Variants in GAS2L3 observed in about 807,000 individuals in gnomAD.
GAS2L3 encodes GAS2-like protein 3.
In GAS2L3, 28 loss-of-function variants were observed where a neutral mutation model predicts 37.0. The observed-to-expected ratio is 0.76, with a 90% confidence interval of 0.56 to 1.04. GAS2L3 has a LOEUF of 1.04. Ranked by LOEUF, GAS2L3 falls within the 50% of genes least tolerant of loss-of-function variation. The pLI is 0.00. For synonymous variants in GAS2L3, 290 were observed against 296.6 expected (o/e 0.98, Z 0.23); for missense variants, 793 against 817.6 (o/e 0.97, Z 0.37).
chr12:100,624,033 A>C lies in GAS2L3; in HGVS notation c.1228A>C (p.Asn410His), dbSNP rs57012630. 2,055 of 1,614,084 alleles carry C rather than the reference A, an allele frequency of 1.3e-3. 14 individuals are homozygous for C. In the East Asian group the frequency reaches 0.022, roughly 17 times the overall value. ...NNASSSLASL[N>H]PVGKNTSSPA... ...TGCATCATCTTCACTTGCTTCATTA[A>C]ATCCAGTAGGTAAAAACACTTCTTC... The change falls in exon 10 of 10, where the codon AAT becomes CAT. Residue 410 changes from asparagine to histidine, a missense_variant. Asn to His is a moderately conservative substitution (Grantham distance 68, BLOSUM62 1). Transcript: ENST00000547754.
intron 1 of GAS2L3, among the ~76,000 whole-genome samples, chr12:100,584,411 G>A (rs1047188650): frequency 6.6e-6 from 1 of 152,124 alleles, no homozygotes; most frequent in African/African-American, 2.4e-5. Flanking sequence ...CACAGGTCTT[G>A]TTCTTAGACC....
chr12:100,592,197 T>G (rs112517434), intron 2 of GAS2L3, among the ~76,000 whole-genome samples: 2,634 of 152,226 alleles, frequency 0.017, 70 homozygotes, highest in African/African-American at 0.06. Flanking sequence ...TCCTCAGTAG[T>G]AACCGCGATC....
intron 6 of GAS2L3, among the ~76,000 whole-genome samples, chr12:100,614,327 G>T (rs970050322): frequency 8.5e-5 from 13 of 152,126 alleles, no homozygotes; most frequent in African/African-American, 3.1e-4. Flanking sequence ...GCTGGGCATG[G>T]TGGTGCACGC....
intron 5 of GAS2L3, among the ~76,000 whole-genome samples, chr12:100,602,542 G>A (rs1956004658): frequency 6.6e-6 from 1 of 151,588 alleles, no homozygotes; most frequent in Admixed American, 6.6e-5. Context: ...ATATTTATGG[G>A]GTACATGAGA....
Position 100,618,151 on chromosome 12 carries a change from C to T in GAS2L3, c.510-298C>T, listed in dbSNP as rs141027899. On this transcript the variant is annotated intron_variant, in intron 7 of 9. Transcript: ENST00000547754. The stretch of plus-strand genomic sequence containing the variant: ...CTGGCAGAAGGCAAGGAGTGGTGTC[C>T]CCCATACCTACTTCAGTTCTATCTT... Among the ~76,000 whole-genome samples, 40 of 152,178 alleles carry T rather than the reference C, an allele frequency of 2.6e-4. 1 individual carries two copies. In the East Asian group the frequency reaches 6.6e-3, roughly 25 times the overall value.
At chr12:100,610,823 A>G (rs2136520645) in intron 5 of GAS2L3, among the ~76,000 whole-genome samples, 1 of 152,294 alleles carries the variant, frequency 6.6e-6, no homozygotes, top group East Asian at 1.9e-4. Flanking sequence ...TGGAGCAGAT[A>G]GTAAAAAAAA....
chr12:100,601,235 A>G (rs1955984945), intron 4 of GAS2L3, among the ~76,000 whole-genome samples: 2 of 152,154 alleles, frequency 1.3e-5, no homozygotes, highest in Non-Finnish European at 2.9e-5. Flanking sequence ...ATGTAATAAT[A>G]ATGTTTTTAA....
intron 7 of GAS2L3, 98 bp from the exon 8 acceptor site, chr12:100,618,351 C>A: frequency 8.4e-7 from 1 of 1,192,280 alleles, no homozygotes; most frequent in Non-Finnish European, 1.2e-6. Flanking sequence ...AGAAGAGGAT[C>A]ATATAGACTT....
intron 5 of GAS2L3, among the ~76,000 whole-genome samples, chr12:100,606,890 T>C (rs1360694767): frequency 6.6e-6 from 1 of 152,194 alleles, no homozygotes; most frequent in African/African-American, 2.4e-5. Context: ...GTCTTTCTAC[T>C]TTAATATAAT....
intron 5 of GAS2L3, among the ~76,000 whole-genome samples, chr12:100,608,206 T>G (rs1048135228): frequency 1.3e-5 from 2 of 152,258 alleles, no homozygotes; most frequent in African/African-American, 4.8e-5. Context: ...TGCGTGTGGG[T>G]TTTTTTCTTT....
chr12:100,598,808 A>C (rs1419206787), intron 3 of GAS2L3, among the ~76,000 whole-genome samples: 11 of 152,082 alleles, frequency 7.2e-5, no homozygotes, highest in Non-Finnish European at 1.6e-4. Flanking sequence ...CAGATAAGAG[A>C]TATTTGAATT....
chr12:100,619,393 T>TA (rs1279878442), intron 8 of GAS2L3, among the ~76,000 whole-genome samples: 1 of 152,062 alleles, frequency 6.6e-6, no homozygotes, highest in Non-Finnish European at 1.5e-5. Flanking sequence ...ATTTTCTGCT[T>TA]AGACTGTTGT....
intron 1 of GAS2L3, 145 bp downstream of exon 1, chr12:100,573,930 G>A (rs1285619241): frequency 2.0e-5 from 3 of 152,356 alleles, no homozygotes; most frequent in Non-Finnish European, 4.4e-5. Context: ...CCCGGCTGCG[G>A]GAGCCAGTAC....
chr12:100,601,609 A>G, intron 4 of GAS2L3, 29 bp from the exon 5 acceptor site: 1 of 965,630 alleles, frequency 1.0e-6, no homozygotes. Flanking sequence ...TGTTTCTAGA[A>G]GATTCTTAAC....
chr12:100,608,051 G>A (rs1956078303), intron 5 of GAS2L3, among the ~76,000 whole-genome samples: 1 of 151,966 alleles, frequency 6.6e-6, no homozygotes, highest in African/African-American at 2.4e-5. Context: ...ATTGTTCTTG[G>A]GAAGGCTTTT....
At chr12:100,609,127 C>G (rs1391109901) in intron 5 of GAS2L3, among the ~76,000 whole-genome samples, 1 of 152,100 alleles carries the variant, frequency 6.6e-6, no homozygotes, top group Admixed American at 6.5e-5. Context: ...AGCTGGGGAC[C>G]CCTCAGAGCT....
chr12:100,601,696 T>C lies in GAS2L3; in HGVS notation c.246T>C (p.Cys82=), dbSNP rs1207603522. Residue 82 remains cysteine, a synonymous_variant, in exon 5 of 10, where the codon TGT becomes TGC. Transcript: ENST00000547754. ...LEELDNGVLL[C]QLIDVLQNMV... Reference sequence around the variant, plus strand: ...AACTTGATAATGGAGTACTATTATGTCAACTGATTGATGTTCTTCAAAACA... The same window carrying C: ...AACTTGATAATGGAGTACTATTATGCCAACTGATTGATGTTCTTCAAAACA... The C allele has an allele frequency of 1.1e-5, 18 of 1,606,406 alleles. No homozygotes were observed. The East Asian group carries it at 3.8e-4, about 34-fold the overall frequency.
Position 100,626,978 on chromosome 12 carries a change from A to G in GAS2L3, c.*2088A>G, listed in dbSNP as rs1234619637. 1 of 151,546 alleles carries G rather than the reference A, an allele frequency of 6.6e-6. No homozygotes were observed. The highest frequency in any genetic ancestry group is 1.5e-5 in the Non-Finnish European group (1 of 67,980). 9.4% of individuals were successfully genotyped at this position (151,546 alleles called of 1,614,324 possible). On this transcript the variant is annotated 3_prime_UTR_variant, in exon 10 of 10. Coordinates refer to ENST00000547754, the MANE Select transcript of GAS2L3 (RefSeq NM_174942.3). ...GTGGCACATGCCTATAATCTCAGCT[A>G]CTCAGGAGGCTGAGGCAGGAGGATC...
chr12:100,618,280 A>G (rs1956211969), intron 7 of GAS2L3, among the ~76,000 whole-genome samples, 169 bp from the exon 8 acceptor site: 1 of 152,216 alleles, frequency 6.6e-6, no homozygotes, highest in Non-Finnish European at 1.5e-5. Context: ...TGTAATATAG[A>G]TATTTTACAA....
Sources: allele counts gnomAD v4.1 joint callset (sites outside exome capture counted in the v4.1 genomes callset), GRCh38; gene constraint gnomAD v4.1.1; transcripts MANE v1.5; gene names NCBI Gene and HGNC (gene_info 2026-07-23, HGNC 2026-07-21).